Variants in KLHL14 observed in about 807,000 individuals in gnomAD.
KLHL14 encodes the protein kelch like family member 14, also known as kelch-like protein 14.
Under a neutral mutation model 64.3 loss-of-function variants are expected in KLHL14, and 22 were observed. The observed-to-expected ratio is 0.34, with a 90% CI of 0.24 to 0.49. The LOEUF is 0.49. Among genes scored for constraint, KLHL14 ranks in the 20% least tolerant of loss-of-function variants. The probability of loss-of-function intolerance (pLI) is 0.99; values close to 1 mark genes in which losing one functional copy is unlikely to be tolerated. For synonymous variants in KLHL14, 322 were observed against 333.4 expected (o/e 0.97, Z 0.37); for missense variants, 661 against 789.0 (o/e 0.84, Z 1.94).
In KLHL14 at chr18:32,716,230, TC is replaced by T. The variant is rs142970878; in HGVS notation, c.1070-20679del. On this transcript the variant is annotated intron_variant, in intron 3 of 8. Transcript: ENST00000359358. ...ATATTATTCTAATATTATTATTTCTTCAGTTACCTCCTTTCAACCTGTCTTT... is the reference window on the plus strand; with the variant it reads ...ATATTATTCTAATATTATTATTTCTTAGTTACCTCCTTTCAACCTGTCTTT... 4.4e-3 allele frequency among the ~76,000 whole-genome samples: 673 copies of T among 152,286 alleles called. 10 individuals carry two copies. The highest frequency in any genetic ancestry group is 0.028 in the South Asian group (135 of 4,826).
intron 4 of KLHL14, among the ~76,000 whole-genome samples, chr18:32,688,123 A>G (rs564414624): frequency 2.6e-5 from 4 of 152,348 alleles, no homozygotes; most frequent in African/African-American, 9.6e-5. Flanking sequence ...AAGCAAAATA[A>G]TATATTACAT....
At chr18:32,724,081 G>A (rs2050093307) in intron 3 of KLHL14, among the ~76,000 whole-genome samples, 1 of 152,162 alleles carries the variant, frequency 6.6e-6, no homozygotes, top group African/African-American at 2.4e-5. Flanking sequence ...TCAGTTACAG[G>A]TCAAAGAACT....
intron 3 of KLHL14, chr18:32,738,326 T>C (rs774370459): frequency 2.0e-5 from 3 of 152,176 alleles, no homozygotes; most frequent in Non-Finnish European, 2.9e-5. Flanking sequence ...CATGATGCAT[T>C]GGCCATTTTA....
At chr18:32,705,003 G>A (rs1269198889) in intron 3 of KLHL14, among the ~76,000 whole-genome samples, 15 of 152,150 alleles carry the variant, frequency 9.9e-5, no homozygotes, top group African/African-American at 2.7e-4. Flanking sequence ...TCATGATTCC[G>A]AAAAGAGATT....
chr18:32,683,241 A>G lies in KLHL14; in HGVS notation c.1239-2642T>C, dbSNP rs1161668854. ...ACACTTCGTGTGTACTCCTAGCTTT[A>G]TCCACACAGTGTCACTGTTAGGATC... is the stretch of plus-strand genomic sequence containing the variant. On this transcript the variant is annotated intron_variant, in intron 5 of 8. Transcript: ENST00000359358. The surrounding 1 kb of genome is among the most constrained non-coding windows in gnomAD (Gnocchi z 4.2). Among the ~76,000 whole-genome samples, 1 of 152,144 alleles carries G rather than the reference A, an allele frequency of 6.6e-6. No individual in the cohort carries two copies. Among genetic ancestry groups the G allele is most frequent in the Non-Finnish European group, 1.5e-5 (1 of 68,026 alleles).
intron 2 of KLHL14, among the ~76,000 whole-genome samples, chr18:32,759,441 A>G (rs1568084650): frequency 6.6e-6 from 1 of 152,212 alleles, no homozygotes; most frequent in Non-Finnish European, 1.5e-5. Context: ...CAAGCTATCA[A>G]TCATTGAATA....
At chr18:32,743,932 C>G (rs1568080701) in intron 2 of KLHL14, 1 of 152,014 alleles carries the variant, frequency 6.6e-6, no homozygotes, top group Non-Finnish European at 1.5e-5. Flanking sequence ...TAAGAGAAGT[C>G]AAGATGAAAA....
rs149891732 is a variant in KLHL14 at position 32,704,489 on chromosome 18, G to A, written c.1070-8937C>T. Among the ~76,000 whole-genome samples, 426 of 152,192 alleles carry A rather than the reference G, an allele frequency of 2.8e-3. 4 individuals carry two copies. Among genetic ancestry groups the A allele is most frequent in the African/African-American group, 9.9e-3 (413 of 41,518 alleles). ...TGTAATCCCAGCACTTTGGGGGGCC[G>A]AGGCAGACAGATCACCAGAGGTCAG... On this transcript the variant is annotated intron_variant, in intron 3 of 8. Coordinates refer to ENST00000359358, the MANE Select transcript of KLHL14 (RefSeq NM_020805.3).
intron 2 of KLHL14, among the ~76,000 whole-genome samples, chr18:32,752,190 G>T (rs183791710): frequency 6.6e-6 from 1 of 152,124 alleles, no homozygotes; most frequent in South Asian, 2.1e-4. Context: ...CAGACTAAAA[G>T]CCCCATAAGC....
chr18:32,740,466 A>G (rs1223618381), intron 3 of KLHL14, among the ~76,000 whole-genome samples: 1 of 152,214 alleles, frequency 6.6e-6, no homozygotes, highest in East Asian at 1.9e-4. Flanking sequence ...TGGGTGTATT[A>G]TCACTCTGTC....
At chr18:32,731,879 A>T (rs2050138741) in intron 3 of KLHL14, among the ~76,000 whole-genome samples, 1 of 152,186 alleles carries the variant, frequency 6.6e-6, no homozygotes, top group South Asian at 2.1e-4. Context: ...ATTCACTCCA[A>T]ATGCATTATA....
rs1237745347 is a variant in KLHL14, at chr18:32,680,033, T to G, written c.1588+136A>C. On this transcript the variant is annotated intron_variant, in intron 7 of 8. Transcript: ENST00000359358. This position sits in a 1 kb window ranked among gnomAD's most constrained non-coding sequence, Gnocchi z 4.8. ...TGCTTGCTCAAGGGTACTGCCAATT[T>G]ACACAGAGTAGATTTTATTAGGTCA... 2.3e-6 allele frequency: 2 copies of G among 877,464 alleles called. No homozygotes were observed. The highest frequency in any genetic ancestry group is 1.7e-6 in the Non-Finnish European group (1 of 588,686). The allele number at this position is 877,464 out of a possible 1,614,324, so 54.4% of individuals were successfully genotyped here. A position where few individuals can be genotyped will look rare whatever the true frequency, so the allele number is the denominator to read the frequency against.
chr18:32,695,890 C>G (rs1395307565), intron 3 of KLHL14, among the ~76,000 whole-genome samples: 1 of 152,090 alleles, frequency 6.6e-6, no homozygotes, highest in African/African-American at 2.4e-5. Context: ...ATGACTGACA[C>G]TCCTAAATGG....
chr18:32,712,343 T>C (rs2050023240), intron 3 of KLHL14, among the ~76,000 whole-genome samples: 1 of 152,210 alleles, frequency 6.6e-6, no homozygotes. Flanking sequence ...TATAAACATT[T>C]AGAAAAGAAT....
At chr18:32,693,583 A>C (rs1369248530) in intron 4 of KLHL14, among the ~76,000 whole-genome samples, 1 of 152,196 alleles carries the variant, frequency 6.6e-6, no homozygotes, top group Non-Finnish European at 1.5e-5. Flanking sequence ...CGTTAGCATT[A>C]ATAATACTTT....
At chr18:32,693,377 T>TACACACACACACACAC (rs869067364) in intron 4 of KLHL14, among the ~76,000 whole-genome samples, 15 of 96,656 alleles carry the variant, frequency 1.6e-4, no homozygotes, top group African/African-American at 7.4e-4. Context: ...AAAGGGATCT[T>TACACACACACACACAC]ACACACACAC....
chr18:32,730,905 C>T (rs991919915), intron 3 of KLHL14, among the ~76,000 whole-genome samples: 2 of 152,146 alleles, frequency 1.3e-5, no homozygotes, highest in East Asian at 3.9e-4. Context: ...AATTAGAACA[C>T]GCTGTGAGAA....
intron 3 of KLHL14, among the ~76,000 whole-genome samples, chr18:32,728,674 TATTTTTGCCTGGTCAAAAAAAGGATGC>T (rs1320518761): frequency 6.6e-6 from 1 of 152,148 alleles, no homozygotes; most frequent in Non-Finnish European, 1.5e-5. Context: ...GGTAAGGATG[TATTTTTGCCTGGTCAAAAAAAGGATGC>T]ATTTTTGCCC....
intron 8 of KLHL14, among the ~76,000 whole-genome samples, chr18:32,675,426 C>T (rs2144460543): frequency 6.6e-6 from 1 of 152,128 alleles, no homozygotes; most frequent in East Asian, 1.9e-4. Context: ...GAAAAGAGAA[C>T]AAATTTACCT....
Sources: gnomAD v4.1 joint callset for allele counts (sites outside exome capture counted in the v4.1 genomes callset) on GRCh38, gnomAD v4.1.1 for gene constraint, Gnocchi (gnomAD v3.1) non-coding constraint, MANE v1.5 for transcripts, NCBI Gene and HGNC (gene_info 2026-07-23, HGNC 2026-07-21) for gene names.